Variants in CHCHD4 observed in about 807,000 individuals in gnomAD.
The protein encoded by CHCHD4 is mitochondrial intermembrane space import and assembly protein 40.
In CHCHD4, 7 loss-of-function variants were observed where a neutral mutation model predicts 12.4. The ratio of observed to expected loss-of-function variants is 0.57; its 90% CI spans 0.32 to 1.06. The LOEUF is 1.06. Among genes scored for constraint, CHCHD4 ranks in the 50% least tolerant of loss-of-function variants. The probability of loss-of-function intolerance (pLI) is 0.04; values close to 1 mark genes in which losing one functional copy is unlikely to be tolerated. For missense variants in CHCHD4, 143 were observed against 175.1 expected (o/e 0.82, Z 1.03); for synonymous variants, 56 against 58.0 (o/e 0.97, Z 0.16).
At chr3:14,121,892 G>A in intron 1 of CHCHD4, 11 of 1,614,198 alleles carry the variant, frequency 6.8e-6, no homozygotes, top group Non-Finnish European at 8.5e-6. Context: ...AAGAATGCAA[G>A]TGTTAGAAGT....
intron 1 of CHCHD4, among the ~76,000 whole-genome samples, chr3:14,118,529 T>G (rs73140601): frequency 6.6e-6 from 1 of 152,150 alleles, no homozygotes; most frequent in African/African-American, 2.4e-5. Flanking sequence ...CCTTACGCCA[T>G]GCCCACACTG....
At chr3:14,116,576 A>C in intron 1 of CHCHD4, 52 bp from the exon 2 acceptor site, 7 of 1,379,926 alleles carry the variant, frequency 5.1e-6, no homozygotes, top group Non-Finnish European at 7.3e-6. Flanking sequence ...GCAGTGAATC[A>C]GCTTTAAACC....
At chr3:14,113,934 T>A (rs895781374) in intron 2 of CHCHD4, among the ~76,000 whole-genome samples, 3 of 152,248 alleles carry the variant, frequency 2.0e-5, no homozygotes, top group African/African-American at 7.2e-5. Flanking sequence ...TTTATTCACA[T>A]CTAAATAGTA....
intron 1 of CHCHD4, among the ~76,000 whole-genome samples, chr3:14,121,717 C>A (rs1694936316): frequency 6.6e-6 from 1 of 152,174 alleles, no homozygotes. Flanking sequence ...GGAGTGGTGC[C>A]TGTGGTGTAT....
intron 1 of CHCHD4, among the ~76,000 whole-genome samples, chr3:14,122,511 G>A (rs1159682357): frequency 2.0e-5 from 3 of 152,236 alleles, no homozygotes; most frequent in African/African-American, 7.2e-5. Context: ...GCCCAGGTGC[G>A]AGGCTGAGAG....
rs139576534 is a variant in CHCHD4 at position 14,112,977 on chromosome 3, T to C, written c.339A>G (p.Glu113=). ...DLYPQEDEDE[E]EEREKKPAEQ... ...CTGCTGGCTTCTTCTCTCTTTCCTC[T>C]TCCTCATCCTCATCCTCTTGGGGAT... Residue 113 remains glutamate, a synonymous_variant, in exon 3 of 3, where the codon GAA becomes GAG. Coordinates refer to ENST00000396914, the MANE Select transcript of CHCHD4 (RefSeq NM_001098502.2). The C allele has an allele frequency of 6.4e-5, 104 of 1,613,500 alleles. No homozygotes were observed. In the African/African-American group the frequency reaches 1.3e-3, roughly 20 times the overall value.
chr3:14,121,972 A>G (rs1694939974), intron 1 of CHCHD4: 1 of 1,614,114 alleles, frequency 6.2e-7, no homozygotes, highest in Admixed American at 1.7e-5. Flanking sequence ...AATACGACAC[A>G]GGCATCCAGT....
intron 2 of CHCHD4, among the ~76,000 whole-genome samples, chr3:14,115,282 A>C (rs1014936306): frequency 5.5e-5 from 8 of 145,320 alleles, no homozygotes; most frequent in African/African-American, 2.3e-4. Flanking sequence ...AAAAAACAAC[A>C]GGGACAGGAA....
intron 2 of CHCHD4, among the ~76,000 whole-genome samples, chr3:14,115,195 G>A (rs1015675913): frequency 1.3e-5 from 2 of 152,068 alleles, no homozygotes; most frequent in Non-Finnish European, 2.9e-5. Flanking sequence ...TCACTATAAG[G>A]GGCTGTAAAG....
In CHCHD4 at chr3:14,120,876, A is replaced by G. The variant is rs532553363; in HGVS notation, c.22+3779T>C. On this transcript the variant is annotated intron_variant, in intron 1 of 2. Coordinates refer to ENST00000396914, the MANE Select transcript of CHCHD4 (RefSeq NM_001098502.2). ...CAGGTTTATTTTAAACAAACCTGAGAGGGGCTGCTGGCTGAGTTAGGTCAG... is the reference window on the plus strand; with the variant it reads ...CAGGTTTATTTTAAACAAACCTGAGGGGGGCTGCTGGCTGAGTTAGGTCAG... 1.8e-4 allele frequency among the ~76,000 whole-genome samples: 27 copies of G among 152,284 alleles called. No individual in the cohort carries two copies. The East Asian group carries it at 4.6e-3, about 26-fold the overall frequency.
chr3:14,112,810 T>C lies in CHCHD4; in HGVS notation c.*77A>G. The stretch of plus-strand genomic sequence containing the variant: ...TGCACAGGACAACAGAAGGAAACTT[T>C]CTTGGAAGGTGATGACAAGGCCTTT... On this transcript the variant is annotated 3_prime_UTR_variant, in exon 3 of 3. Coordinates refer to ENST00000396914, the MANE Select transcript of CHCHD4 (RefSeq NM_001098502.2). The C allele has an allele frequency of 4.5e-6, 6 of 1,345,926 alleles. No homozygotes were observed. The highest frequency in any genetic ancestry group is 2.3e-5 in the East Asian group (1 of 42,800). 83.4% of individuals were successfully genotyped at this position (1,345,926 alleles called of 1,614,324 possible).
At chr3:14,122,115 G>A in intron 1 of CHCHD4, 1 of 1,548,034 alleles carries the variant, frequency 6.5e-7, no homozygotes, top group Non-Finnish European at 8.7e-7. Flanking sequence ...GTTTTAAGTA[G>A]TGTTCGCTCA....
chr3:14,116,447 T>A lies in CHCHD4; in HGVS notation c.100A>T (p.Asn34Tyr). 1 of 1,605,454 alleles carries A rather than the reference T, an allele frequency of 6.2e-7. No individual in the cohort carries two copies. ...SSAELVADDP[N>Y]DPYEEHGLIL... The stretch of plus-strand genomic sequence containing the variant: ...TCACCATGCTCCTCGTATGGATCGT[T>A]GGGGTCATCAGCCACCAATTCTGCA... The change falls in exon 2 of 3, where the codon AAC becomes TAC. Residue 34 changes from asparagine to tyrosine, a missense_variant. Physicochemically the swap from Asn to Tyr is moderately radical, Grantham distance 143 (BLOSUM62 -2). Coordinates refer to ENST00000396914, the MANE Select transcript of CHCHD4 (RefSeq NM_001098502.2).
At chr3:14,115,569 A>C (rs1694868700) in intron 2 of CHCHD4, among the ~76,000 whole-genome samples, 1 of 152,134 alleles carries the variant, frequency 6.6e-6, no homozygotes, top group Admixed American at 6.5e-5. Context: ...TGGGTGCTGG[A>C]TATGTATTTT....
intron 1 of CHCHD4, among the ~76,000 whole-genome samples, chr3:14,123,911 G>A (rs1049672478): frequency 7.2e-5 from 11 of 152,302 alleles, no homozygotes; most frequent in Middle Eastern, 6.8e-3. Flanking sequence ...CAACTTTGGG[G>A]TGGGAGGTAG....
intron 1 of CHCHD4, among the ~76,000 whole-genome samples, chr3:14,124,009 GATTTGCTGGCTGAGTGGCTTTAGCC>G (rs1258906568): frequency 1.3e-5 from 2 of 152,220 alleles, no homozygotes; most frequent in Non-Finnish European, 2.9e-5. Context: ...CCAGCTCCAC[GATTTGCTGGCTGAGTGGCTTTAGCC>G]ATGTCTCCTG....
At chr3:14,116,590 A>ATGAGT in intron 1 of CHCHD4, 66 bp from the exon 2 acceptor site, 2 of 1,203,516 alleles carry the variant, frequency 1.7e-6, no homozygotes, top group African/African-American at 3.0e-5. Context: ...TTAAACCCAA[A>ATGAGT]GCAGCCGCCA....
intron 1 of CHCHD4, chr3:14,122,046 AG>A (rs1694941005): frequency 6.2e-7 from 1 of 1,610,030 alleles, no homozygotes; most frequent in African/African-American, 1.3e-5. Context: ...GGAGGGAAGG[AG>A]GGGAATAGAC....
rs780480053 is a variant in CHCHD4, at chr3:14,124,698, C to T, written c.-22G>A. 14 of 1,525,746 alleles carry T rather than the reference C, an allele frequency of 9.2e-6. No homozygotes were observed. Among genetic ancestry groups the T allele is most frequent in the Non-Finnish European group, 8.8e-6 (10 of 1,138,708 alleles). 94.5% of individuals were successfully genotyped at this position (1,525,746 alleles called of 1,614,324 possible). On this transcript the variant is annotated 5_prime_UTR_variant, in exon 1 of 3. Transcript: ENST00000396914. ...ACATGGCTGCAGCCCGTCCCTGAGA[C>T]CTTGCAGAAGCGGCGGTGGCGGCAG...
Sources: gnomAD v4.1 joint callset for allele counts (sites outside exome capture counted in the v4.1 genomes callset) on GRCh38, gnomAD v4.1.1 for gene constraint, MANE v1.5 for transcripts, NCBI Gene and HGNC (gene_info 2026-07-23, HGNC 2026-07-21) for gene names.